Variants in RNF135 observed in about 807,000 individuals in gnomAD.
RNF135 encodes the protein E3 ubiquitin-protein ligase RNF135.
Under a neutral mutation model 41.9 loss-of-function variants are expected in RNF135, and 46 were observed. The observed-to-expected ratio is 1.10, with a 90% CI of 0.87 to 1.40. The LOEUF is 1.40. Ranked by LOEUF, RNF135 falls within the 40% of genes most tolerant of loss-of-function variation. RNF135 has a pLI of 0.00. For missense variants in RNF135, 539 were observed against 549.8 expected (o/e 0.98, Z 0.20); for synonymous variants, 238 against 223.8 (o/e 1.06, Z -0.57).
At chr17:30,982,156 C>T (rs112363414) in intron 1 of RNF135, among the ~76,000 whole-genome samples, 1 of 152,202 alleles carries the variant, frequency 6.6e-6, no homozygotes, top group Non-Finnish European at 1.5e-5. Flanking sequence ...GGCTCGGGGC[C>T]GGTCCAGAGA....
upstream of RNF135, among the ~76,000 whole-genome samples, chr17:30,968,067 C>G (rs1905624528): frequency 2.0e-5 from 3 of 151,812 alleles, no homozygotes; most frequent in Admixed American, 2.0e-4. Context: ...GTCAGGAGTT[C>G]GAGACAAGCC....
At chr17:30,961,857 A>G in the RNF135 span, among the ~76,000 whole-genome samples, 1 of 152,204 alleles carries the variant, frequency 6.6e-6, no homozygotes, top group Non-Finnish European at 1.5e-5. Flanking sequence ...GAAATTTAAG[A>G]TGGTAATGAG....
intron 1 of RNF135, among the ~76,000 whole-genome samples, chr17:30,976,416 A>G (rs766539852): frequency 3.9e-5 from 6 of 152,230 alleles, no homozygotes; most frequent in African/African-American, 1.2e-4. Flanking sequence ...GAAAAGATCC[A>G]TGTGTATTCT....
At chr17:30,959,231 G>T in the RNF135 span, 1 of 152,322 alleles carries the variant, frequency 6.6e-6, no homozygotes, top group Non-Finnish European at 1.5e-5. Context: ...GAGAAGTATA[G>T]ATAGGCAGTA....
At chr17:30,975,677 A>G (rs1332804555) in intron 1 of RNF135, 3 of 1,406,800 alleles carry the variant, frequency 2.1e-6, no homozygotes, top group Non-Finnish European at 3.0e-6. Flanking sequence ...AGTCACCACC[A>G]GTGTCGGCCT....
upstream of RNF135, chr17:30,970,730 G>A: frequency 8.9e-6 from 3 of 338,560 alleles, no homozygotes; most frequent in African/African-American, 2.2e-5. Context: ...TTTTTTTTAA[G>A]CCAACGGACG....
chr17:30,967,579 T>G (rs557022441), upstream of RNF135, among the ~76,000 whole-genome samples: 2 of 152,240 alleles, frequency 1.3e-5, no homozygotes, highest in South Asian at 4.1e-4. Context: ...ATACTTTTGT[T>G]GTAGAGAAGT....
At chr17:30,996,057 G>A (rs924225667) in intron 3 of RNF135, among the ~76,000 whole-genome samples, 13 of 149,742 alleles carry the variant, frequency 8.7e-5, no homozygotes, top group African/African-American at 1.5e-4. Flanking sequence ...GATTACAGGC[G>A]TGAGCCACCA....
intron 1 of RNF135, among the ~76,000 whole-genome samples, chr17:30,976,751 ATAGC>A (rs1335317831): frequency 1.3e-5 from 2 of 152,204 alleles, no homozygotes; most frequent in African/African-American, 4.8e-5. Flanking sequence ...TGATATATGT[ATAGC>A]TAATCCTGCT....
chr17:30,971,395 TC>T lies in RNF135; in HGVS notation c.325del (p.Leu109SerfsTer19), dbSNP rs765463434. 12 of 1,522,354 alleles carry T rather than the reference TC, an allele frequency of 7.9e-6. 1 individual carries two copies. The South Asian group carries it at 1.2e-4, about 15-fold the overall frequency. The allele number at this position is 1,522,354 out of a possible 1,614,324, so 94.3% of individuals were successfully genotyped here. ...PAHCPCPGSS[S>X]LSSAAARPRR... Reference sequence around the variant, plus strand: ...CCACTGCCCCTGCCCGGGCTCCAGTTCCCTCTCCAGCGCGGCCGCGAGGCCC... The same window carrying T: ...CCACTGCCCCTGCCCGGGCTCCAGTTCCTCTCCAGCGCGGCCGCGAGGCCC... On this transcript the variant is annotated frameshift_variant, in exon 1 of 5. Transcript: ENST00000328381. LOFTEE classifies it high-confidence loss of function.
At chr17:30,995,256 T>C (rs984868055) in intron 3 of RNF135, among the ~76,000 whole-genome samples, 9 of 151,980 alleles carry the variant, frequency 5.9e-5, no homozygotes, top group African/African-American at 1.4e-4. Context: ...GGTGTGGTGG[T>C]GGGCGCCTGT....
At chr17:30,970,870 G>A (rs1425130435), upstream of RNF135, 5 of 722,728 alleles carry the variant, frequency 6.9e-6, no homozygotes, top group African/African-American at 1.8e-5. Context: ...CTGAAGGTCA[G>A]CTCTGTCTTT....
chr17:30,977,555 G>T (rs1430000935), intron 1 of RNF135, among the ~76,000 whole-genome samples: 1 of 152,050 alleles, frequency 6.6e-6, no homozygotes, highest in Non-Finnish European at 1.5e-5. Context: ...TGTATTTTTA[G>T]TAGTGACAGG....
chr17:30,963,529 A>G, the RNF135 span, among the ~76,000 whole-genome samples: 2 of 151,640 alleles, frequency 1.3e-5, no homozygotes, highest in South Asian at 2.1e-4. Context: ...CCGAGATCGC[A>G]CCACTGCACA....
rs1469857262 is a variant in RNF135 at position 30,971,268 on chromosome 17, C to T, written c.195C>T (p.Gly65=). 1 of 1,524,244 alleles carries T rather than the reference C, an allele frequency of 6.6e-7. No homozygotes were observed. Among genetic ancestry groups the T allele is most frequent in the Non-Finnish European group, 8.8e-7 (1 of 1,140,592 alleles). The allele number at this position is 1,524,244 out of a possible 1,614,324, so 94.4% of individuals were successfully genotyped here. Reference sequence around the variant, plus strand: ...GGGCCTGCCCCACTTGCCGCCAGGGCGCCGCGCAGCAGCCGCACCTGCGGA... The same window carrying T: ...GGGCCTGCCCCACTTGCCGCCAGGGTGCCGCGCAGCAGCCGCACCTGCGGA... ...RRWACPTCRQ[G]AAQQPHLRKN... The change falls in exon 1 of 5, where the codon GGC becomes GGT. Residue 65 remains glycine (G), a synonymous_variant. Coordinates refer to ENST00000328381, the MANE Select transcript of RNF135 (RefSeq NM_032322.4).
chr17:30,964,792 C>T, the RNF135 span: 2 of 151,554 alleles, frequency 1.3e-5, no homozygotes, highest in Non-Finnish European at 2.9e-5. Context: ...TCAAGCCATT[C>T]TCCTCCTCAG....
Position 30,971,280 on chromosome 17 carries a change from G to C in RNF135, c.207G>C (p.Gln69His). The change falls in exon 1 of 5, where the codon CAG becomes CAC. Residue 69 changes from glutamine to histidine, a missense_variant. Physicochemically the swap from Gln to His is conservative, Grantham distance 24 (BLOSUM62 0). Around this residue, in one of 2 missense-constraint regions of RNF135, gnomAD observed 277 missense variants for 212.8 expected, o/e 1.30. Transcript: ENST00000328381. ...CTTGCCGCCAGGGCGCCGCGCAGCAGCCGCACCTGCGGAAGAACACGCTAC... is the reference window on the plus strand; with the variant it reads ...CTTGCCGCCAGGGCGCCGCGCAGCACCCGCACCTGCGGAAGAACACGCTAC... ...CPTCRQGAAQQPHLRKNTLLQ... is the reference protein window; with the variant it reads ...CPTCRQGAAQHPHLRKNTLLQ... 1 of 1,526,682 alleles carries C rather than the reference G, an allele frequency of 6.6e-7. No homozygotes were observed. The highest frequency in any genetic ancestry group is 8.8e-7 in the Non-Finnish European group (1 of 1,141,234). The allele number at this position is 1,526,682 out of a possible 1,614,324, so 94.6% of individuals were successfully genotyped here.
chr17:30,967,576 T>C (rs1172906354), upstream of RNF135, among the ~76,000 whole-genome samples: 2 of 152,148 alleles, frequency 1.3e-5, no homozygotes, highest in Admixed American at 1.3e-4. Flanking sequence ...TACATACTTT[T>C]GTTGTAGAGA....
upstream of RNF135, chr17:30,970,228 G>A (rs1375000723): frequency 6.6e-6 from 1 of 151,686 alleles, no homozygotes; most frequent in Non-Finnish European, 1.5e-5. Flanking sequence ...TCATCTGGGA[G>A]GACGTGGTGC....
Sources: allele counts gnomAD v4.1 joint callset (sites outside exome capture counted in the v4.1 genomes callset), GRCh38; gene constraint gnomAD v4.1.1; regional missense constraint gnomAD v4.1.1; transcripts MANE v1.5; gene names NCBI Gene and HGNC (gene_info 2026-07-23, HGNC 2026-07-21).